GNAI1: variants seen among roughly 807,000 people sequenced by gnomAD.
GNAI1 encodes the protein guanine nucleotide-binding protein G(i) subunit alpha-1.
Under a neutral mutation model 38.9 loss-of-function variants are expected in GNAI1, and 11 were observed. That is an observed-to-expected ratio of 0.28 (90% CI 0.18 to 0.47). The LOEUF (loss-of-function observed/expected upper bound fraction) is 0.47, where lower values mean the gene tolerates loss of function less well. Ranked by LOEUF, GNAI1 falls within the 20% of genes least tolerant of loss-of-function variation. The pLI, the probability that GNAI1 is intolerant of heterozygous loss-of-function variation, is 0.99. For missense variants in GNAI1, 317 were observed against 436.9 expected (o/e 0.73, Z 2.45); for synonymous variants, 166 against 145.1 (o/e 1.14, Z -1.04).
In GNAI1 at chr7:80,203,781, A is replaced by G; in HGVS notation, c.539A>G (p.Lys180Arg). 1 of 1,586,848 alleles carries G rather than the reference A, an allele frequency of 6.3e-7. No homozygotes were observed. Among genetic ancestry groups the G allele is most frequent in the Non-Finnish European group, 8.6e-7 (1 of 1,157,070 alleles). The part of the protein sequence containing the change: ...TQQDVLRTRV[K>R]TTGIVETHFT... ...CAAGATGTTCTCAGAACTAGAGTGA[A>G]AACTACAGGAATTGTTGAAACCCAT... The change falls in exon 5 of 8, where the codon AAA becomes AGA. Residue 180 changes from lysine to arginine, a missense_variant. Physicochemically the swap from Lys to Arg is conservative, Grantham distance 26. Around this residue, in one of 5 missense-constraint regions of GNAI1, gnomAD observed 158 missense variants for 234.7 expected, o/e 0.67. Transcript: ENST00000649796.
chr7:80,170,947 T>C (rs937745142), intron 1 of GNAI1, among the ~76,000 whole-genome samples: 3 of 152,236 alleles, frequency 2.0e-5, no homozygotes, highest in Non-Finnish European at 4.4e-5. Flanking sequence ...TTGACATCAC[T>C]AAAATCAGTG....
At chr7:80,156,042 C>CAAAAAAAAAAAA (rs1182960135) in intron 1 of GNAI1, among the ~76,000 whole-genome samples, 1 of 68,524 alleles carries the variant, frequency 1.5e-5, no homozygotes, top group Non-Finnish European at 3.0e-5. Context: ...GACTCTGTCT[C>CAAAAAAAAAAAA]AAAAAAAAAA....
intron 1 of GNAI1, among the ~76,000 whole-genome samples, chr7:80,178,345 T>G (rs1788228188): frequency 6.6e-6 from 1 of 152,178 alleles, no homozygotes; most frequent in Admixed American, 6.5e-5. Flanking sequence ...TTTTAGAGGA[T>G]TGGATCCAAT....
chr7:80,217,585 G>A lies in GNAI1; in HGVS notation c.*92G>A, dbSNP rs1788995990. The A allele has an allele frequency of 1.5e-6, 1 of 661,592 alleles. No homozygotes were observed. Among genetic ancestry groups the A allele is most frequent in the Admixed American group, 3.3e-5 (1 of 30,408 alleles). The allele number at this position is 661,592 out of a possible 1,614,324, so 41.0% of individuals were successfully genotyped here. ...CTAGAGTCTTGCAGCAACACAGAAT[G>A]TAATATAAGGCAAATGCATCTGGGA... On this transcript the variant is annotated 3_prime_UTR_variant, in exon 8 of 8. Coordinates refer to ENST00000649796, the MANE Select transcript of GNAI1 (RefSeq NM_002069.6).
At chr7:80,200,324 C>CAAAAAAAAGAAA (rs1788658664) in intron 4 of GNAI1, among the ~76,000 whole-genome samples, 1 of 40,376 alleles carries the variant, frequency 2.5e-5, no homozygotes, top group African/African-American at 1.7e-4. Flanking sequence ...GGCCATGTCT[C>CAAAAAAAAGAAA]AAAAAAAAAA....
In GNAI1 at chr7:80,220,586, T is replaced by C. The variant is rs752583249; in HGVS notation, c.*3093T>C. On this transcript the variant is annotated 3_prime_UTR_variant, in exon 8 of 8. Transcript: ENST00000649796. ...TAAAGTCCCTAAGGCGCTTGTGGTT[T>C]CTAAAATTCTCTTCATTTCAGTAAC... Among the ~76,000 whole-genome samples the C allele has an allele frequency of 3.3e-5, 5 of 152,230 alleles. No individual in the cohort carries two copies. The highest frequency in any genetic ancestry group is 4.8e-5 in the African/African-American group (2 of 41,466).
chr7:80,197,802 G>A (rs893392548), intron 3 of GNAI1, among the ~76,000 whole-genome samples: 1 of 152,050 alleles, frequency 6.6e-6, no homozygotes, highest in Non-Finnish European at 1.5e-5. Flanking sequence ...GGTTCCAGCT[G>A]AAAAGAAAAT....
chr7:80,204,485 A>G (rs918227557), intron 5 of GNAI1, among the ~76,000 whole-genome samples: 2 of 152,194 alleles, frequency 1.3e-5, no homozygotes, highest in Non-Finnish European at 2.9e-5. Flanking sequence ...AAAATATCAT[A>G]TTCAAATTTA....
intron 1 of GNAI1, among the ~76,000 whole-genome samples, chr7:80,137,097 C>G (rs1431081101): frequency 6.6e-6 from 1 of 152,026 alleles, no homozygotes; most frequent in African/African-American, 2.4e-5. Context: ...CCACATATTG[C>G]TAGAAGTCCT....
chr7:80,168,655 T>C (rs1468188350), intron 1 of GNAI1, among the ~76,000 whole-genome samples: 1 of 152,180 alleles, frequency 6.6e-6, no homozygotes, highest in Non-Finnish European at 1.5e-5. Flanking sequence ...AGTGCTGGGA[T>C]TACAGGCGTG....
intron 1 of GNAI1, among the ~76,000 whole-genome samples, chr7:80,147,767 T>G (rs182214104): frequency 9.0e-4 from 137 of 152,330 alleles, no homozygotes; most frequent in Admixed American, 5.6e-3. Context: ...TAAGAACTAT[T>G]TGGTGATTAA....
chr7:80,160,326 GGA>G (rs1787902609), intron 1 of GNAI1, among the ~76,000 whole-genome samples: 1 of 151,944 alleles, frequency 6.6e-6, no homozygotes, highest in Non-Finnish European at 1.5e-5. Context: ...AAAAAAAATG[GGA>G]GTAATGAGCC....
chr7:80,161,867 A>G (rs933453320), intron 1 of GNAI1, among the ~76,000 whole-genome samples: 10 of 152,184 alleles, frequency 6.6e-5, no homozygotes, highest in Non-Finnish European at 1.2e-4. Flanking sequence ...GTCACTGGAA[A>G]GATGCTCAGT....
rs1465998222 is a variant in GNAI1 at position 80,221,099 on chromosome 7, A to G, written c.*3606A>G. ...ACAGATGGTAGCATCATCATTGCTT[A>G]GTGTGTTATGTTGGAAGTAGAAAGT... On this transcript the variant is annotated 3_prime_UTR_variant, in exon 8 of 8. Transcript: ENST00000649796. 1.3e-5 allele frequency among the ~76,000 whole-genome samples: 2 copies of G among 152,162 alleles called. No individual in the cohort carries two copies. Among genetic ancestry groups the G allele is most frequent in the African/African-American group, 4.8e-5 (2 of 41,446 alleles).
intron 5 of GNAI1, among the ~76,000 whole-genome samples, chr7:80,205,696 A>G (rs1168032015): frequency 1.3e-5 from 2 of 152,126 alleles, no homozygotes; most frequent in East Asian, 3.8e-4. Context: ...CCATCCCCAC[A>G]ATACCAAACA....
intron 1 of GNAI1, among the ~76,000 whole-genome samples, chr7:80,158,558 C>T (rs1467780509): frequency 2.0e-5 from 3 of 152,116 alleles, no homozygotes; most frequent in Admixed American, 6.5e-5. Context: ...CCCTTTTACT[C>T]ACTCACTTCT....
chr7:80,135,288 GCCGGGTCGGGGC>G lies in GNAI1; in HGVS notation c.118+16_118+27del. 7.0e-7 allele frequency: 1 copy of G among 1,433,102 alleles called. No homozygotes were observed. The highest frequency in any genetic ancestry group is 2.9e-5 in the East Asian group (1 of 34,554). 88.8% of individuals were successfully genotyped at this position (1,433,102 alleles called of 1,614,324 possible). A position where few individuals can be genotyped will look rare whatever the true frequency, so the allele number is the denominator to read the frequency against. On this transcript the variant is annotated intron_variant, in intron 1 of 7. Coordinates refer to ENST00000649796, the MANE Select transcript of GNAI1 (RefSeq NM_002069.6). Reference sequence around the variant, plus strand: ...AAGCTGCTGCTGCTCGGTAAGGGCGGCCGGGTCGGGGCCCGGGGGTCGGCGGGGGACCGGGTG... The same window carrying G: ...AAGCTGCTGCTGCTCGGTAAGGGCGGCCGGGGGTCGGCGGGGGACCGGGTG...
chr7:80,156,853 A>G (rs1210205625), intron 1 of GNAI1, among the ~76,000 whole-genome samples: 2 of 152,210 alleles, frequency 1.3e-5, no homozygotes, highest in African/African-American at 4.8e-5. Flanking sequence ...GAGGGTACAG[A>G]GCTTTCCCAT....
chr7:80,148,589 CAACTT>C lies in GNAI1; in HGVS notation c.118+13317_118+13321del, dbSNP rs1197718413. On this transcript the variant is annotated intron_variant, in intron 1 of 7. Coordinates refer to ENST00000649796, the MANE Select transcript of GNAI1 (RefSeq NM_002069.6). ...CATCTGAATGATTTTGTTAGATAAG[CAACTT>C]AACTTTTAAAAATAAAAGCTAAAAA... 3.3e-5 allele frequency among the ~76,000 whole-genome samples: 5 copies of C among 151,788 alleles called. No individual in the cohort carries two copies. In the East Asian group the frequency reaches 9.7e-4, roughly 29 times the overall value.
Sources: gnomAD v4.1 joint callset for allele counts (sites outside exome capture counted in the v4.1 genomes callset) on GRCh38, gnomAD v4.1.1 for gene constraint, gnomAD v4.1.1 regional missense constraint, MANE v1.5 for transcripts, NCBI Gene and HGNC (gene_info 2026-07-23, HGNC 2026-07-21) for gene names.